The following SYAP1 variants were observed in gnomAD, a reference collection of about 807,000 sequenced individuals.
SYAP1 encodes synapse associated protein 1.
SYAP1 carries 3 observed loss-of-function variants against 29.6 expected under a neutral mutation model. The ratio of observed to expected loss-of-function variants is 0.10; its 90% CI spans 0.05 to 0.26. SYAP1 has a LOEUF of 0.26. Among genes scored for constraint, SYAP1 ranks in the 10% least tolerant of loss-of-function variants. SYAP1 has a pLI of 1.00. For missense variants in SYAP1, 217 were observed against 264.1 expected (o/e 0.82, Z 1.24); for synonymous variants, 102 against 102.7 (o/e 0.99, Z 0.04).
rs751443725 is a variant in SYAP1, at chrX:16,755,052, A to G, written c.683A>G (p.Glu228Gly). ...GCCCAACAGCAGGCCGCAGGGAAGG[A>G]GGAGAAGAGCAATGGCAGAGAGCAA... ...LAAQQQAAGK[E>G]EKSNGREQDL... Residue 228 changes from glutamate to glycine, a missense_variant, in exon 6 of 9, where the codon GAG becomes GGG. By Grantham distance (98) the Glu-to-Gly change is moderately conservative. Coordinates refer to ENST00000380155, the MANE Select transcript of SYAP1 (RefSeq NM_032796.4). 7 of 1,210,007 alleles carry G rather than the reference A, an allele frequency of 5.8e-6. No individual in the cohort carries two copies. In the East Asian group the frequency reaches 2.1e-4, roughly 36 times the overall value.
In SYAP1 at chrX:16,762,276, ATAAATGT is replaced by A. The variant is rs1255058327; in HGVS notation, c.*1919_*1925del. ...AGTGAATGCACTAAAATTCTTATTG[ATAAATGT>A]TGAATAAACACACACAAAAAAGTAT... On this transcript the variant is annotated 3_prime_UTR_variant, in exon 9 of 9. Transcript: ENST00000380155. 8.9e-6 allele frequency: 1 copy of A among 111,953 alleles called. No homozygotes were observed. Among genetic ancestry groups the A allele is most frequent in the African/African-American group, 3.2e-5 (1 of 30,798 alleles). The allele number at this position is 111,953 out of a possible 1,213,427, so 9.2% of individuals were successfully genotyped here. A position where few individuals can be genotyped will look rare whatever the true frequency, so the allele number is the denominator to read the frequency against.
chrX:16,750,948 G>A (rs1010341661), intron 5 of SYAP1, among the ~76,000 whole-genome samples: 1 of 107,677 alleles, frequency 9.3e-6, no homozygotes, highest in Non-Finnish European at 1.9e-5. Flanking sequence ...TGTATTTTTA[G>A]TAGAGACGGG....
intron 2 of SYAP1, among the ~76,000 whole-genome samples, chrX:16,735,848 C>A (rs1330717092): frequency 8.9e-6 from 1 of 112,675 alleles, no homozygotes; most frequent in East Asian, 2.8e-4. Context: ...TGGTCTCGAA[C>A]TCCTGGCCTC....
At chrX:16,755,843 T>C (rs1424053383) in intron 6 of SYAP1, among the ~76,000 whole-genome samples, 1 of 112,231 alleles carries the variant, frequency 8.9e-6, no homozygotes, top group African/African-American at 3.2e-5. Context: ...CTGTGTATAG[T>C]AGGTACTCAT....
intron 8 of SYAP1, among the ~76,000 whole-genome samples, chrX:16,758,646 TTTATATA>T (rs1237500847): frequency 1.8e-5 from 2 of 110,133 alleles, no homozygotes; most frequent in Non-Finnish European, 3.8e-5. Flanking sequence ...CCAATAGTCT[TTTATATA>T]TTATATATCT....
chrX:16,731,907 T>A (rs1479637614), intron 1 of SYAP1, among the ~76,000 whole-genome samples: 1 of 106,375 alleles, frequency 9.4e-6, no homozygotes, highest in African/African-American at 3.8e-5. Context: ...GCCATTGCAC[T>A]CCAGCCTGGG....
At chrX:16,731,127 C>G (rs1926196548) in intron 1 of SYAP1, among the ~76,000 whole-genome samples, 1 of 111,384 alleles carries the variant, frequency 9.0e-6, no homozygotes, top group Non-Finnish European at 1.9e-5. Context: ...TTTAAATAAG[C>G]TTTGAGTTAG....
rs778028650 is a variant in SYAP1, at chrX:16,760,307, G to A, written c.1007G>A (p.Arg336Gln). ...EYEVVTESEK[R>Q]DENWDKEIEK... is the part of the protein sequence containing the mutation. ...GAAGTGGTGACAGAATCTGAAAAAC[G>A]AGATGAAAACTGGGATAAGGAAATA... The change falls in exon 9 of 9, where the codon CGA (arginine) becomes CAA (glutamine). Residue 336 changes from arginine to glutamine, a missense_variant. Physicochemically the swap from Arg to Gln is conservative, Grantham distance 43. Coordinates refer to ENST00000380155, the MANE Select transcript of SYAP1 (RefSeq NM_032796.4). 3.1e-5 allele frequency: 37 copies of A among 1,201,150 alleles called. No homozygotes were observed. The highest frequency in any genetic ancestry group is 1.1e-4 in the African/African-American group (6 of 56,878).
chrX:16,727,281 TA>T (rs60144245), intron 1 of SYAP1, among the ~76,000 whole-genome samples: 5,971 of 90,454 alleles, frequency 0.066, 473 homozygotes, highest in African/African-American at 0.22. Context: ...TTTTAAAAAT[TA>T]AAAAAAAAAA....
chrX:16,760,511 C>T lies in SYAP1; in HGVS notation c.*152C>T, dbSNP rs1926959439. On this transcript the variant is annotated 3_prime_UTR_variant, in exon 9 of 9. Coordinates refer to ENST00000380155, the MANE Select transcript of SYAP1 (RefSeq NM_032796.4). ...TTCAAGTTGAAACTTGCCTCTTCTA[C>T]TTTAAAAAAGTATATAGAACAGTTA... is the stretch of plus-strand genomic sequence containing the variant. 6.4e-6 allele frequency: 3 copies of T among 466,461 alleles called. No individual in the cohort carries two copies. The highest frequency in any genetic ancestry group is 9.6e-6 in the Non-Finnish European group (3 of 311,384). 38.4% of individuals were successfully genotyped at this position (466,461 alleles called of 1,213,427 possible).
chrX:16,751,345 G>C lies in SYAP1; in HGVS notation c.576-3600G>C, dbSNP rs1414937746. Reference sequence around the variant, plus strand: ...CACGTGCCTGTAGTCCCAGCTACTCGGGAGGCTGAGGCAGGAGAATCGCTT... The same window carrying C: ...CACGTGCCTGTAGTCCCAGCTACTCCGGAGGCTGAGGCAGGAGAATCGCTT... On this transcript the variant is annotated intron_variant, in intron 5 of 8. Transcript: ENST00000380155. 4.7e-5 allele frequency among the ~76,000 whole-genome samples: 5 copies of C among 105,768 alleles called. No individual in the cohort carries two copies. In the Admixed American group the frequency reaches 5.1e-4, roughly 11 times the overall value. 91.8% of individuals were successfully genotyped at this position (105,768 alleles called of 115,157 possible). A position where few individuals can be genotyped will look rare whatever the true frequency, so the allele number is the denominator to read the frequency against.
intron 5 of SYAP1, among the ~76,000 whole-genome samples, 195 bp downstream of exon 5, chrX:16,744,035 G>A (rs4830563): frequency 0.38 from 41,643 of 110,804 alleles, 6,102 homozygotes; most frequent in East Asian, 0.54. Context: ...CAGGGTAGAG[G>A]TGAAATGTGC....
intron 1 of SYAP1, among the ~76,000 whole-genome samples, chrX:16,723,609 G>A (rs780941238): frequency 1.9e-4 from 21 of 111,767 alleles, no homozygotes; most frequent in Admixed American, 2.9e-4. Context: ...ACACTAAGAT[G>A]CTGAAATTCT....
Position 16,762,319 on chromosome X carries a change from G to A in SYAP1, c.*1960G>A, listed in dbSNP as rs1376756066. ...CACACAAAAAAGTATCAGAGAAAGA[G>A]AAAAACCCTACAATGGCAATAGAGG... On this transcript the variant is annotated 3_prime_UTR_variant, in exon 9 of 9. Transcript: ENST00000380155. The A allele has an allele frequency of 9.0e-6, 1 of 111,448 alleles. No homozygotes were observed. The highest frequency in any genetic ancestry group is 9.6e-5 in the Admixed American group (1 of 10,380). The allele number at this position is 111,448 out of a possible 1,213,427, so 9.2% of individuals were successfully genotyped here.
rs1209376247 is a variant in SYAP1, at chrX:16,755,053, G to T, written c.684G>T (p.Glu228Asp). 2 of 1,210,004 alleles carry T rather than the reference G, an allele frequency of 1.7e-6. No individual in the cohort carries two copies. Among genetic ancestry groups the T allele is most frequent in the Non-Finnish European group, 2.2e-6 (2 of 895,207 alleles). The change falls in exon 6 of 9, where the codon GAG (glutamate) becomes GAT (aspartate). Residue 228 changes from glutamate (E) to aspartate (D), a missense_variant. Glu to Asp is a conservative substitution (Grantham distance 45, BLOSUM62 2). Coordinates refer to ENST00000380155, the MANE Select transcript of SYAP1 (RefSeq NM_032796.4). ...CCCAACAGCAGGCCGCAGGGAAGGA[G>T]GAGAAGAGCAATGGCAGAGAGCAAG... The part of the protein sequence containing the change: ...LAAQQQAAGK[E>D]EKSNGREQDL...
intron 8 of SYAP1, among the ~76,000 whole-genome samples, chrX:16,758,467 C>T (rs1284892935): frequency 9.3e-6 from 1 of 107,792 alleles, no homozygotes; most frequent in African/African-American, 3.4e-5. Flanking sequence ...CCTGCCTCAG[C>T]CTCCCAGGTA....
chrX:16,757,919 A>G (rs1926887572), intron 8 of SYAP1, among the ~76,000 whole-genome samples: 1 of 109,810 alleles, frequency 9.1e-6, no homozygotes, highest in African/African-American at 3.3e-5. Flanking sequence ...AATAATAATA[A>G]TAATAATAAT....
At chrX:16,746,819 C>T (rs907083436) in intron 5 of SYAP1, among the ~76,000 whole-genome samples, 7 of 112,138 alleles carry the variant, frequency 6.2e-5, no homozygotes, top group Non-Finnish European at 1.3e-4. Flanking sequence ...AACTCCTGAC[C>T]TCAGGTGATC....
chrX:16,727,736 A>G (rs1926112668), intron 1 of SYAP1, among the ~76,000 whole-genome samples: 2 of 111,983 alleles, frequency 1.8e-5, no homozygotes, highest in African/African-American at 6.5e-5. Context: ...AGGTCCCAAG[A>G]TAACTTGGGG....
Sources: allele counts gnomAD v4.1 joint callset (sites outside exome capture counted in the v4.1 genomes callset), GRCh38; gene constraint gnomAD v4.1.1; transcripts MANE v1.5; gene names NCBI Gene and HGNC (gene_info 2026-07-23, HGNC 2026-07-21).